ACSL1: variants seen among roughly 807,000 people sequenced by gnomAD.
The protein encoded by ACSL1 is long-chain-fatty-acid--CoA ligase 1.
Under a neutral mutation model 98.4 loss-of-function variants are expected in ACSL1, and 41 were observed. The observed-to-expected ratio is 0.42, with a 90% CI of 0.32 to 0.54. The LOEUF is 0.54. Ranked by LOEUF, ACSL1 falls within the 20% of genes least tolerant of loss-of-function variation. The probability of loss-of-function intolerance (pLI) is 0.13; values close to 1 mark genes in which losing one functional copy is unlikely to be tolerated. For synonymous variants in ACSL1, 316 were observed against 322.7 expected, an observed-to-expected ratio of 0.98 and a Z score of 0.22; for missense variants, 734 against 883.1, an observed-to-expected ratio of 0.83 and a Z score of 2.14.
In ACSL1 at chr4:184,787,454, GA is replaced by G. The variant is rs973527039; in HGVS notation, c.310+1162del. On this transcript the variant is annotated intron_variant, in intron 3 of 20. Transcript: ENST00000281455. ...AATGCTTCACTCAGAGGTAGGGGAT[GA>G]AAATGATAGACTAGGAAGGTTTTAG... is the stretch of plus-strand genomic sequence containing the variant. Among the ~76,000 whole-genome samples the G allele has an allele frequency of 1.6e-4, 24 of 152,340 alleles. No homozygotes were observed. The South Asian group carries it at 3.1e-3, about 20-fold the overall frequency.
In ACSL1 at chr4:184,757,647, T is replaced by C. The variant is rs757763726; in HGVS notation, c.1944A>G (p.Lys648=). 5.9e-5 allele frequency: 96 copies of C among 1,613,956 alleles called. 1 individual carries two copies. The South Asian group carries it at 1.0e-3, about 18-fold the overall frequency. ...MVRLGKDSGL[K]PFEQVKGITL... is the part of the protein sequence containing the mutation. ...ATGAAGGTCATACCTGTTCAAATGGTTTCAGACCAGAATCCTTCCCAAGTC... is the reference window on the plus strand; with the variant it reads ...ATGAAGGTCATACCTGTTCAAATGGCTTCAGACCAGAATCCTTCCCAAGTC... The change falls in exon 20 of 21, where the codon AAA becomes AAG. Residue 648 remains lysine, a synonymous_variant. Coordinates refer to ENST00000281455, the MANE Select transcript of ACSL1 (RefSeq NM_001995.5). This position sits in a 1 kb window ranked among gnomAD's most constrained non-coding sequence, Gnocchi z 4.5.
In ACSL1 at chr4:184,780,389, C is replaced by T; in HGVS notation, c.420G>A (p.Lys140=). The change falls in exon 5 of 21, where the codon AAG becomes AAA. Residue 140 remains lysine, a synonymous_variant. Transcript: ENST00000281455. ...SECIGSALIQ[K]GFKTAPDQFI... The stretch of plus-strand genomic sequence containing the variant: ...ACTGATCTGGGGCAGTCTTGAAGCC[C>T]TTCTGGATCAGTGCTGAGCCTATGC... 6.2e-7 allele frequency: 1 copy of T among 1,613,758 alleles called. No homozygotes were observed. Among genetic ancestry groups the T allele is most frequent in the East Asian group, 2.2e-5 (1 of 44,878 alleles).
Position 184,756,111 on chromosome 4 carries a change from T to G in ACSL1, c.*1014A>C, listed in dbSNP as rs1049278169. ...AGTACTCAAGTATATACTCCCTTAATAGCTTTAAAGAAATGCTTGCCTGAG... is the reference window on the plus strand; with the variant it reads ...AGTACTCAAGTATATACTCCCTTAAGAGCTTTAAAGAAATGCTTGCCTGAG... On this transcript the variant is annotated 3_prime_UTR_variant, in exon 21 of 21. Coordinates refer to ENST00000281455, the MANE Select transcript of ACSL1 (RefSeq NM_001995.5). 1 of 152,316 alleles carries G rather than the reference T, an allele frequency of 6.6e-6. No individual in the cohort carries two copies. Among genetic ancestry groups the G allele is most frequent in the Non-Finnish European group, 1.5e-5 (1 of 68,034 alleles). 9.4% of individuals were successfully genotyped at this position (152,316 alleles called of 1,614,324 possible). A position where few individuals can be genotyped will look rare whatever the true frequency, so the allele number is the denominator to read the frequency against.
Position 184,773,270 on chromosome 4 carries a change from C to T in ACSL1, c.842-116G>A. On this transcript the variant is annotated intron_variant, in intron 9 of 20. Coordinates refer to ENST00000281455, the MANE Select transcript of ACSL1 (RefSeq NM_001995.5). The surrounding 1 kb of genome is among the most constrained non-coding windows in gnomAD (Gnocchi z 4.3). The stretch of plus-strand genomic sequence containing the variant: ...TCTACTGTTAGATATATCGTGAAAA[C>T]CAAATGTTGAACACTAAATTCCTAA... The T allele has an allele frequency of 1.1e-6, 1 of 904,366 alleles. No individual in the cohort carries two copies. Among genetic ancestry groups the T allele is most frequent in the South Asian group, 1.6e-5 (1 of 62,768 alleles). 56.0% of individuals were successfully genotyped at this position (904,366 alleles called of 1,614,324 possible).
chr4:184,765,073 A>G (rs2150285548), intron 14 of ACSL1, 148 bp from the exon 15 acceptor site: 1 of 785,162 alleles, frequency 1.3e-6, no homozygotes, highest in East Asian at 2.8e-5. Flanking sequence ...AGTTCATTCA[A>G]TGGTCCAGTG....
chr4:184,811,195 G>T (rs1220117600), intron 1 of ACSL1, among the ~76,000 whole-genome samples: 1 of 150,622 alleles, frequency 6.6e-6, no homozygotes, highest in Admixed American at 6.6e-5. Flanking sequence ...TGCAAGCTCC[G>T]CCTTCTGGGT....
Position 184,757,037 on chromosome 4 carries a change from G to T in ACSL1, c.*88C>A. On this transcript the variant is annotated 3_prime_UTR_variant, in exon 21 of 21. Transcript: ENST00000281455. The surrounding 1 kb of genome is among the most constrained non-coding windows in gnomAD (Gnocchi z 4.5). ...CACGAACGCTTCCTTCCCTACACTT[G>T]CTGTATTCAAAATTAACAACATGAA... is the stretch of plus-strand genomic sequence containing the variant. The T allele has an allele frequency of 7.0e-7, 1 of 1,431,234 alleles. No homozygotes were observed. The highest frequency in any genetic ancestry group is 9.4e-7 in the Non-Finnish European group (1 of 1,065,928). 88.7% of individuals were successfully genotyped at this position (1,431,234 alleles called of 1,614,324 possible). A position where few individuals can be genotyped will look rare whatever the true frequency, so the allele number is the denominator to read the frequency against.
intron 1 of ACSL1, chr4:184,821,103 T>C (rs1021412380): frequency 1.2e-4 from 55 of 456,152 alleles, no homozygotes; most frequent in African/African-American, 9.6e-4. Flanking sequence ...AGTTAACCCA[T>C]CAGAAGCTTA....
At chr4:184,794,158 C>T (rs867449939) in intron 2 of ACSL1, among the ~76,000 whole-genome samples, 1 of 152,204 alleles carries the variant, frequency 6.6e-6, no homozygotes, top group Non-Finnish European at 1.5e-5. Flanking sequence ...ACATTTTACA[C>T]GCATCTTAGC....
rs1173020723 is a variant in ACSL1, at chr4:184,766,161, T to G, written c.1264-175A>C. ...TGGCAGCACAGGGCTACGGTTTGTT[T>G]CCACCCGTGACTGCCCTGTTCCCTC... On this transcript the variant is annotated intron_variant, in intron 13 of 20. Transcript: ENST00000281455. This position sits in a 1 kb window ranked among gnomAD's most constrained non-coding sequence, Gnocchi z 4.8. 6.6e-6 allele frequency among the ~76,000 whole-genome samples: 1 copy of G among 152,224 alleles called. No individual in the cohort carries two copies. The highest frequency in any genetic ancestry group is 1.5e-5 in the Non-Finnish European group (1 of 68,038).
Position 184,776,511 on chromosome 4 carries a change from C to T in ACSL1, c.729G>A (p.Val243=). Residue 243 remains valine, a synonymous_variant, in exon 7 of 21, where the codon GTG becomes GTA. Coordinates refer to ENST00000281455, the MANE Select transcript of ACSL1 (RefSeq NM_001995.5). ...ELVERGQRCG[V]EVTSMKAMED... Reference sequence around the variant, plus strand: ...CCATCGCCTTCATGCTGGTGACTTCCACCCCACACCTCTGGCCTCGTTCCA... The same window carrying T: ...CCATCGCCTTCATGCTGGTGACTTCTACCCCACACCTCTGGCCTCGTTCCA... 6.2e-7 allele frequency: 1 copy of T among 1,613,526 alleles called. No homozygotes were observed.
intron 2 of ACSL1, among the ~76,000 whole-genome samples, chr4:184,788,942 C>T (rs542972975): frequency 3.3e-5 from 5 of 152,106 alleles, no homozygotes; most frequent in Non-Finnish European, 7.4e-5. Flanking sequence ...ACATGGTCAC[C>T]ATTTTTATTA....
chr4:184,813,971 G>A (rs373218697), intron 1 of ACSL1: 77 of 438,848 alleles, frequency 1.8e-4, no homozygotes, highest in East Asian at 9.3e-4. Context: ...CCATCTTCCC[G>A]TGGTGACTAT....
chr4:184,806,473 T>C (rs918654052), intron 1 of ACSL1, among the ~76,000 whole-genome samples: 10 of 152,068 alleles, frequency 6.6e-5, no homozygotes, highest in African/African-American at 2.2e-4. Context: ...TCCCCAAAGC[T>C]CCTAGAGTAA....
intron 2 of ACSL1, among the ~76,000 whole-genome samples, chr4:184,799,489 C>T (rs550201451): frequency 6.6e-6 from 1 of 152,200 alleles, no homozygotes; most frequent in African/African-American, 2.4e-5. Flanking sequence ...TTTACCTGTC[C>T]CTTTTGCTCC....
At position 184,776,466 on chromosome 4, in the gene ACSL1, A is replaced by C; in HGVS notation, c.756+18T>G. On this transcript the variant is annotated intron_variant, in intron 7 of 20. Coordinates refer to ENST00000281455, the MANE Select transcript of ACSL1 (RefSeq NM_001995.5). ...CCAGGGAAAGCCTTCAGAGAAGGGAAGGAGGCAGGGCACTCACCTCCATCG... is the reference window on the plus strand; with the variant it reads ...CCAGGGAAAGCCTTCAGAGAAGGGACGGAGGCAGGGCACTCACCTCCATCG... 1 of 1,605,014 alleles carries C rather than the reference A, an allele frequency of 6.2e-7. No homozygotes were observed. Among genetic ancestry groups the C allele is most frequent in the Non-Finnish European group, 8.5e-7 (1 of 1,176,084 alleles).
In ACSL1 at chr4:184,773,819, C is replaced by T. The variant is rs772545164; in HGVS notation, c.789+24G>A. The T allele has an allele frequency of 1.2e-6, 2 of 1,613,798 alleles. No individual in the cohort carries two copies. Among genetic ancestry groups the T allele is most frequent in the South Asian group, 1.1e-5 (1 of 91,052 alleles). ...ATTGAAAACTACAAAGAGGACAGAGCAGGGTCTGACACGGTGTGCTTACCT... is the reference window on the plus strand; with the variant it reads ...ATTGAAAACTACAAAGAGGACAGAGTAGGGTCTGACACGGTGTGCTTACCT... On this transcript the variant is annotated intron_variant, in intron 8 of 20. Transcript: ENST00000281455. This position sits in a 1 kb window ranked among gnomAD's most constrained non-coding sequence, Gnocchi z 4.3.
intron 1 of ACSL1, chr4:184,808,674 T>C (rs1771730615): frequency 5.5e-6 from 1 of 182,770 alleles, no homozygotes; most frequent in African/African-American, 2.4e-5. Flanking sequence ...TTGCTGCTCT[T>C]TCAAAGCACC....
At chr4:184,824,424 G>A (rs147005504) in intron 1 of ACSL1, among the ~76,000 whole-genome samples, 1 of 152,172 alleles carries the variant, frequency 6.6e-6, no homozygotes, top group African/African-American at 2.4e-5. Flanking sequence ...ACGCCTGTCT[G>A]GGTAATTTTT....
Sources: gnomAD v4.1 joint callset for allele counts (sites outside exome capture counted in the v4.1 genomes callset) on GRCh38, gnomAD v4.1.1 for gene constraint, Gnocchi (gnomAD v3.1) non-coding constraint, MANE v1.5 for transcripts, NCBI Gene and HGNC (gene_info 2026-07-23, HGNC 2026-07-21) for gene names.